The following OPRM1 variants were observed in gnomAD, a reference collection of about 807,000 sequenced individuals.
OPRM1 encodes the protein mu-type opioid receptor.
OPRM1 carries 27 observed loss-of-function variants against 31.8 expected under a neutral mutation model. The observed-to-expected ratio is 0.85, with a 90% confidence interval of 0.63 to 1.17. The LOEUF (loss-of-function observed/expected upper bound fraction) is 1.17, where lower values mean the gene tolerates loss of function less well. OPRM1 is among the 50% of genes most tolerant of loss of function. The pLI, the probability that OPRM1 is intolerant of heterozygous loss-of-function variation, is 0.00. For missense variants in OPRM1, 536 were observed against 511.1 expected, an observed-to-expected ratio of 1.05 and a Z score of -0.47; for synonymous variants, 196 against 189.9, an observed-to-expected ratio of 1.03 and a Z score of -0.26.
At chr6:154,159,286 A>G (rs1317836693) in intron 3 of OPRM1, 1 of 158,804 alleles carries the variant, frequency 6.3e-6, no homozygotes. Context: ...TTCTCATCAC[A>G]TGGAAAAGGC....
intron 1 of OPRM1, among the ~76,000 whole-genome samples, chr6:154,044,569 G>C (rs1206031509): frequency 2.6e-5 from 4 of 151,592 alleles, no homozygotes; most frequent in Non-Finnish European, 5.9e-5. Flanking sequence ...TTATTTGCAA[G>C]CATTTTTCTA....
chr6:154,142,583 T>C (rs565069060), intron 3 of OPRM1, among the ~76,000 whole-genome samples: 1 of 152,110 alleles, frequency 6.6e-6, no homozygotes, highest in Non-Finnish European at 1.5e-5. Flanking sequence ...GACCAGAATA[T>C]AAAATCCTAG....
intron 3 of OPRM1, among the ~76,000 whole-genome samples, chr6:154,152,374 A>AAGAAAGAAAGAAAGAAAGAG (rs1798556224): frequency 6.7e-6 from 1 of 149,816 alleles, no homozygotes; most frequent in Non-Finnish European, 1.5e-5. Flanking sequence ...GAAAGAAAGA[A>AAGAAAGAAAGAAAGAAAGAG]AGAAAGAAAG....
rs1792129299 is a variant in OPRM1, at chr6:154,091,328, T to G, written c.1020T>G (p.Phe340Leu). ...NSCLNPVLYA[F>L]LDENFKRCFR... ...GCCTCAACCCAGTCCTTTATGCATT[T>G]CTGGATGAAAACTTCAAACGATGCT... Residue 340 changes from phenylalanine (F) to leucine (L), a missense_variant, in exon 3 of 4, where the codon TTT (phenylalanine) becomes TTG (leucine). Phe to Leu is a conservative substitution (Grantham distance 22). Coordinates refer to ENST00000330432, the MANE Select transcript of OPRM1 (RefSeq NM_000914.5). 9 of 1,614,202 alleles carry G rather than the reference T, an allele frequency of 5.6e-6. No individual in the cohort carries two copies. Among genetic ancestry groups the G allele is most frequent in the Non-Finnish European group, 7.6e-6 (9 of 1,180,038 alleles).
chr6:154,180,577 A>G (rs943740129), intron 3 of OPRM1, among the ~76,000 whole-genome samples: 2 of 152,046 alleles, frequency 1.3e-5, no homozygotes, highest in Non-Finnish European at 2.9e-5. Context: ...CTGCTCTGAC[A>G]GCACAGGCAT....
Position 154,152,326 on chromosome 6 carries a change from AGAAAGAAAGAAAGAAAGAAAG to A in OPRM1, c.1164+60876_1164+60896del, listed in dbSNP as rs1211623642. 7.5e-3 allele frequency among the ~76,000 whole-genome samples: 274 copies of A among 36,724 alleles called. 4 individuals are homozygous for A. Among genetic ancestry groups the A allele is most frequent in the African/African-American group, 0.031 (256 of 8,210 alleles). 24.1% of individuals were successfully genotyped at this position (36,724 alleles called of 152,430 possible). A position where few individuals can be genotyped will look rare whatever the true frequency, so the allele number is the denominator to read the frequency against. On this transcript the variant is annotated intron_variant, in intron 3 of 3. Transcript: ENST00000337049. ...AAGAAAGAAAGAAAGAAAGAAAGAAAGAAAGAAAGAAAGAAAGAAAGGAAAGAAAGAAAGAAAGAAAGAAAG... is the reference window on the plus strand; with the variant it reads ...AAGAAAGAAAGAAAGAAAGAAAGAAAGAAAGAAAGAAAGAAAGAAAGAAAG...
intron 3 of OPRM1, among the ~76,000 whole-genome samples, chr6:154,221,655 C>T (rs893282141): frequency 6.6e-6 from 1 of 151,990 alleles, no homozygotes; most frequent in African/African-American, 2.4e-5. Context: ...GGGCAGATCA[C>T]GAGGTCAGGA....
chr6:154,109,788 C>CTT (rs1462157057), intron 3 of OPRM1, among the ~76,000 whole-genome samples: 2 of 103,836 alleles, frequency 1.9e-5, no homozygotes, highest in Non-Finnish European at 4.4e-5. Flanking sequence ...CTCTCTCTCT[C>CTT]TCTCTGTGTG....
At chr6:154,207,280 A>G (rs1232612657) in intron 3 of OPRM1, among the ~76,000 whole-genome samples, 1 of 152,212 alleles carries the variant, frequency 6.6e-6, no homozygotes, top group Non-Finnish European at 1.5e-5. Flanking sequence ...AATTTTAGCA[A>G]AGTCTTAAAA....
At chr6:154,043,166 C>A (rs561684915) in intron 1 of OPRM1, among the ~76,000 whole-genome samples, 7 of 152,182 alleles carry the variant, frequency 4.6e-5, no homozygotes, top group African/African-American at 1.7e-4. Context: ...CTGTGGGCTG[C>A]GTAAACCATC....
chr6:154,118,567 G>C (rs1797111067), intron 3 of OPRM1, 116 bp from the exon 4 acceptor site: 1 of 886,310 alleles, frequency 1.1e-6, no homozygotes. Context: ...AGGCTTGCAG[G>C]TGAAAGTATA....
chr6:154,039,377 G>A lies in OPRM1; in HGVS notation c.-168G>A. 6.5e-7 allele frequency: 1 copy of A among 1,545,314 alleles called. No individual in the cohort carries two copies. The highest frequency in any genetic ancestry group is 8.7e-7 in the Non-Finnish European group (1 of 1,143,032). On this transcript the variant is annotated 5_prime_UTR_variant, in exon 1 of 4. Coordinates refer to ENST00000330432, the MANE Select transcript of OPRM1 (RefSeq NM_000914.5). ...GAGGAGAATGTCAGATGCTCAGCTC[G>A]GTCCCCTCCGCCTGACGCTCCTCTC...
chr6:154,102,177 GATCC>G (rs1794934996), intron 3 of OPRM1, among the ~76,000 whole-genome samples: 1 of 151,950 alleles, frequency 6.6e-6, no homozygotes. Context: ...GGGCTGAAGT[GATCC>G]ACCTGCCTTG....
chr6:154,040,472 T>C (rs1422690621), intron 1 of OPRM1, among the ~76,000 whole-genome samples: 1 of 152,112 alleles, frequency 6.6e-6, no homozygotes, highest in Non-Finnish European at 1.5e-5. Flanking sequence ...TCCTAGCATC[T>C]CTCCATGACA....
intron 1 of OPRM1, among the ~76,000 whole-genome samples, chr6:154,044,649 AT>A (rs200819429): frequency 0.049 from 7,408 of 152,124 alleles, 315 homozygotes; most frequent in Admixed American, 0.15. Flanking sequence ...TGCAAAAAAA[AT>A]AAATCGGTTA....
downstream of OPRM1, among the ~76,000 whole-genome samples, chr6:154,134,214 T>C (rs1009636833): frequency 2.0e-5 from 3 of 152,224 alleles, no homozygotes; most frequent in African/African-American, 7.2e-5. Flanking sequence ...TACAGAGTTA[T>C]ATTCATACCC....
chr6:154,103,342 G>A lies in OPRM1; in HGVS notation c.1164+11870G>A, dbSNP rs113840176. Among the ~76,000 whole-genome samples, 935 of 152,242 alleles carry A rather than the reference G, an allele frequency of 6.1e-3. 11 individuals are homozygous for A. Among genetic ancestry groups the A allele is most frequent in the African/African-American group, 0.021 (869 of 41,546 alleles). On this transcript the variant is annotated intron_variant, in intron 3 of 3. Coordinates refer to ENST00000330432, the MANE Select transcript of OPRM1 (RefSeq NM_000914.5). ...TAAATCATTAAAATGTATTTTGAAA[G>A]TACTTAGAAAGAAAGCAAGTAACCT...
intron 3 of OPRM1, among the ~76,000 whole-genome samples, chr6:154,113,754 C>A (rs975575917): frequency 6.6e-6 from 1 of 152,192 alleles, no homozygotes; most frequent in Non-Finnish European, 1.5e-5. Context: ...GATGATAAAT[C>A]CAGCTGATAA....
At chr6:154,100,143 ATT>A (rs1562472605) in intron 3 of OPRM1, among the ~76,000 whole-genome samples, 6 of 99,554 alleles carry the variant, frequency 6.0e-5, no homozygotes, top group African/African-American at 2.1e-4. Flanking sequence ...TATAATATAT[ATT>A]ATCATATTAT....
Sources: allele counts gnomAD v4.1 joint callset (sites outside exome capture counted in the v4.1 genomes callset), GRCh38; gene constraint gnomAD v4.1.1; transcripts MANE v1.5; gene names NCBI Gene and HGNC (gene_info 2026-07-23, HGNC 2026-07-21).